SYNE2: variants seen among roughly 807,000 people sequenced by gnomAD.
SYNE2 encodes spectrin repeat containing nuclear envelope protein 2, also known as nesprin-2.
In SYNE2, 431 loss-of-function variants were observed where a neutral mutation model predicts 856.3. That is an observed-to-expected ratio of 0.50 (90% CI 0.47 to 0.55). SYNE2 has a LOEUF of 0.55. Among genes scored for constraint, SYNE2 ranks in the 20% least tolerant of loss-of-function variants. The pLI is 0.00. For missense variants in SYNE2, 8,129 were observed against 8,023.2 expected (o/e 1.01, Z -0.50); for synonymous variants, 2,923 against 2,872.3 (o/e 1.02, Z -0.56).
intron 100 of SYNE2, chr14:64,204,367 C>A (rs1029825580): frequency 6.6e-6 from 1 of 152,156 alleles, no homozygotes; most frequent in Non-Finnish European, 1.5e-5. Flanking sequence ...CAAGGCCTTG[C>A]AAATAACAAT....
In SYNE2 at chr14:64,219,302, C is replaced by T. The variant is rs1458904140; in HGVS notation, c.19752C>T (p.Ser6584=). The change falls in exon 110 of 116, where the codon AGC becomes AGT. Residue 6584 remains serine, a synonymous_variant. Coordinates refer to ENST00000555002, the MANE Select transcript of SYNE2 (RefSeq NM_182914.3). The part of the protein sequence containing the change: ...QNLQQLNSDI[S]AITTWLKKTE... ...TGCAACAGCTGAACTCTGATATCAG[C>T]GCCATCACTACTTGGCTGAAAAAAA... is the stretch of plus-strand genomic sequence containing the variant. 5 of 1,613,822 alleles carry T rather than the reference C, an allele frequency of 3.1e-6. No individual in the cohort carries two copies. In the East Asian group the frequency reaches 6.7e-5, roughly 22 times the overall value.
chr14:63,846,262 G>A (rs1312098945), intron 1 of SYNE2, among the ~76,000 whole-genome samples: 1 of 151,918 alleles, frequency 6.6e-6, no homozygotes, highest in East Asian at 1.9e-4. Context: ...TGCCCAGGTT[G>A]GTCTCAAACT....
chr14:63,849,677 A>T (rs569701353), upstream of SYNE2, among the ~76,000 whole-genome samples: 2 of 152,300 alleles, frequency 1.3e-5, no homozygotes, highest in South Asian at 4.1e-4. Context: ...TGAGGGTGGG[A>T]TGCAGAAATA....
intron 64 of SYNE2, among the ~76,000 whole-genome samples, chr14:64,104,203 A>G (rs929403775): frequency 6.6e-6 from 1 of 152,128 alleles, no homozygotes; most frequent in Non-Finnish European, 1.5e-5. Context: ...TTAAACTGCC[A>G]TTGACTTCTG....
intron 99 of SYNE2, among the ~76,000 whole-genome samples, chr14:64,199,113 G>T (rs1487088048): frequency 2.0e-5 from 3 of 152,184 alleles, no homozygotes; most frequent in Admixed American, 1.3e-4. Context: ...CTCCTCCCCA[G>T]GCACCTGCTA....
In SYNE2 at chr14:64,158,806, C is replaced by T. The variant is rs1251565594; in HGVS notation, c.15963+11C>T. The T allele has an allele frequency of 1.2e-6, 2 of 1,613,368 alleles. No homozygotes were observed. The highest frequency in any genetic ancestry group is 1.1e-5 in the South Asian group (1 of 91,038). On this transcript the variant is annotated intron_variant, in intron 86 of 115. Coordinates refer to ENST00000555002, the MANE Select transcript of SYNE2 (RefSeq NM_182914.3). Reference sequence around the variant, plus strand: ...GTGGAGAACCTTCAGGTAAATTAACCAGAGCTTGGCATGGTGCATTATTGG... The same window carrying T: ...GTGGAGAACCTTCAGGTAAATTAACTAGAGCTTGGCATGGTGCATTATTGG...
chr14:63,877,358 C>A (rs553313457), intron 1 of SYNE2, among the ~76,000 whole-genome samples: 2 of 152,322 alleles, frequency 1.3e-5, no homozygotes, highest in African/African-American at 4.8e-5. Context: ...TGTTACCACT[C>A]ACTTCCAAGT....
intron 1 of SYNE2, among the ~76,000 whole-genome samples, chr14:63,774,207 G>A (rs1887024515): frequency 6.6e-6 from 1 of 151,974 alleles, no homozygotes; most frequent in African/African-American, 2.4e-5. Context: ...AGTGGCTCAC[G>A]CCTGTAATCC....
intron 2 of SYNE2, among the ~76,000 whole-genome samples, chr14:63,915,677 A>G (rs2095525559): frequency 6.6e-6 from 1 of 152,134 alleles, no homozygotes. Context: ...CAAGGCTCAT[A>G]TGTTTTATTT....
At chr14:63,924,040 C>G (rs1279503392) in intron 2 of SYNE2, among the ~76,000 whole-genome samples, 2 of 152,106 alleles carry the variant, frequency 1.3e-5, no homozygotes, top group Non-Finnish European at 2.9e-5. Flanking sequence ...CTCCTGGGCT[C>G]AAGCAATCCA....
At chr14:63,918,559 T>TC (rs1424973626) in intron 2 of SYNE2, among the ~76,000 whole-genome samples, 2 of 152,210 alleles carry the variant, frequency 1.3e-5, no homozygotes, top group Non-Finnish European at 2.9e-5. Flanking sequence ...GAGAGAGACG[T>TC]CAGATGCCGG....
At chr14:64,138,951 GTGTGTGT>G (rs1567428728) in intron 79 of SYNE2, among the ~76,000 whole-genome samples, 228 of 106,592 alleles carry the variant, frequency 2.1e-3, no homozygotes, top group East Asian at 0.013. Context: ...TGTATGGTGT[GTGTGTGT>G]GTGTGTGTGT....
At chr14:63,881,995 G>C (rs2094876496) in intron 1 of SYNE2, among the ~76,000 whole-genome samples, 1 of 152,190 alleles carries the variant, frequency 6.6e-6, no homozygotes, top group Non-Finnish European at 1.5e-5. Flanking sequence ...GAGATAATAA[G>C]GCCTACAACC....
chr14:64,126,198 G>A (rs2097943306), intron 71 of SYNE2, 129 bp from the exon 72 acceptor site: 1 of 781,558 alleles, frequency 1.3e-6, no homozygotes, highest in Non-Finnish European at 2.1e-6. Context: ...AGTTCACAAA[G>A]CGTTTGAAGC....
intron 100 of SYNE2, 124 bp downstream of exon 100, chr14:64,203,087 C>T: frequency 1.6e-6 from 2 of 1,262,568 alleles, no homozygotes; most frequent in South Asian, 2.6e-5. Context: ...TTTGCTTTTT[C>T]CAGAGAAAAC....
chr14:63,953,543 GAGATAGATAGAT>G (rs59456660), intron 7 of SYNE2, among the ~76,000 whole-genome samples: 1 of 90,500 alleles, frequency 1.1e-5, no homozygotes, highest in Non-Finnish European at 3.0e-5. Context: ...GAGAGAGAGA[GAGATAGATAGAT>G]AGATAGATAG....
chr14:64,143,516 C>A (rs1429399459), intron 82 of SYNE2, among the ~76,000 whole-genome samples: 1 of 152,148 alleles, frequency 6.6e-6, no homozygotes, highest in African/African-American at 2.4e-5. Context: ...CAGATGATAG[C>A]AACTGCCATA....
At chr14:64,021,724 A>C (rs1268266205) in intron 36 of SYNE2, 133 bp from the exon 37 acceptor site, 7 of 1,062,770 alleles carry the variant, frequency 6.6e-6, no homozygotes, top group Non-Finnish European at 9.9e-6. Flanking sequence ...TCATACATTT[A>C]CTAGCAAAGA....
Position 63,949,813 on chromosome 14 carries a change from T to G in SYNE2, c.409-12T>G, listed in dbSNP as rs1343075838. 2.5e-6 allele frequency: 4 copies of G among 1,614,006 alleles called. No individual in the cohort carries two copies. Among genetic ancestry groups the G allele is most frequent in the Non-Finnish European group, 3.4e-6 (4 of 1,179,970 alleles). On this transcript the variant is annotated splice_polypyrimidine_tract_variant and intron_variant, in intron 6 of 115. Coordinates refer to ENST00000555002, the MANE Select transcript of SYNE2 (RefSeq NM_182914.3). Reference sequence around the variant, plus strand: ...GCTTTTATAAACGTTAAGTCTACTTTGCCTTCCTTAGATTGAGAAGCTTGC... The same window carrying G: ...GCTTTTATAAACGTTAAGTCTACTTGGCCTTCCTTAGATTGAGAAGCTTGC...
Sources: gnomAD v4.1 joint callset for allele counts (sites outside exome capture counted in the v4.1 genomes callset) on GRCh38, gnomAD v4.1.1 for gene constraint, MANE v1.5 for transcripts, NCBI Gene and HGNC (gene_info 2026-07-23, HGNC 2026-07-21) for gene names.